The following CCNB1 variants were observed in gnomAD, a reference collection of about 807,000 sequenced individuals.
The protein encoded by CCNB1 is cyclin B1, also known as G2/mitotic-specific cyclin-B1.
A neutral mutation model predicts 44.4 loss-of-function variants in CCNB1; 26 were observed. That is an observed-to-expected ratio of 0.59 (90% CI 0.43 to 0.81). CCNB1 has a LOEUF of 0.81. CCNB1 is among the 40% of genes least tolerant of loss of function. CCNB1 has a pLI of 0.00. For missense variants in CCNB1, 477 were observed against 520.9 expected, an observed-to-expected ratio of 0.92 and a Z score of 0.82; for synonymous variants, 195 against 181.4, an observed-to-expected ratio of 1.08 and a Z score of -0.60.
chr5:69,168,121 C>G, intron 2 of CCNB1, 43 bp downstream of exon 2: 1 of 1,610,666 alleles, frequency 6.2e-7, no homozygotes, highest in Non-Finnish European at 8.5e-7. Flanking sequence ...GCCCGCCTTC[C>G]AACTGTGGCC....
intron 7 of CCNB1, 66 bp downstream of exon 7, chr5:69,175,603 T>C: frequency 1.3e-6 from 2 of 1,502,500 alleles, no homozygotes; most frequent in Non-Finnish European, 1.8e-6. Context: ...ACAGAACTTT[T>C]GTTATTAAAA....
Position 69,175,357 on chromosome 5 carries a change from ATTTTCTGAAAGAAACTCAGTAACATGGG to A in CCNB1, c.943-35_943-8del, listed in dbSNP as rs750951915. The stretch of plus-strand genomic sequence containing the variant: ...GCATGCAGGTTAGTGCCAAAGGAAA[ATTTTCTGAAAGAAACTCAGTAACATGGG>A]TTTTGTTTCAGGTTGATGTCGAGCA... On this transcript the variant is annotated splice_polypyrimidine_tract_variant and intron_variant, in intron 6 of 8. Coordinates refer to ENST00000256442, the MANE Select transcript of CCNB1 (RefSeq NM_031966.4). 1 of 1,603,112 alleles carries A rather than the reference ATTTTCTGAAAGAAACTCAGTAACATGGG, an allele frequency of 6.2e-7. No homozygotes were observed. The highest frequency in any genetic ancestry group is 1.1e-5 in the South Asian group (1 of 89,164).
intron 6 of CCNB1, 130 bp downstream of exon 6, chr5:69,175,243 T>C: frequency 9.6e-7 from 1 of 1,039,964 alleles, no homozygotes; most frequent in Non-Finnish European, 1.4e-6. Flanking sequence ...TTGTTCTTTA[T>C]TTCTAGTCAG....
Position 69,175,113 on chromosome 5 carries a change from G to C in CCNB1, c.942G>C (p.Glu314Asp). 1 of 1,607,354 alleles carries C rather than the reference G, an allele frequency of 6.2e-7. No homozygotes were observed. Among genetic ancestry groups the C allele is most frequent in the Non-Finnish European group, 8.5e-7 (1 of 1,174,582 alleles). The change falls in exon 6 of 9, where the codon GAG (glutamate) becomes GAC (aspartate). Residue 314 changes from glutamate to aspartate, a missense_variant and splice_region_variant. Coordinates refer to ENST00000256442, the MANE Select transcript of CCNB1 (RefSeq NM_031966.4). Reference sequence around the variant, plus strand: ...TTCGGAGAGCATCTAAGATTGGAGAGGTACAGGTTTCTTGAGAAACCTCTC... The same window carrying C: ...TTCGGAGAGCATCTAAGATTGGAGACGTACAGGTTTCTTGAGAAACCTCTC... The part of the protein sequence containing the change: ...HFLRRASKIG[E>D]VDVEQHTLAK...
chr5:69,167,352 C>T, intron 1 of CCNB1, 69 bp downstream of exon 1: 6 of 1,558,162 alleles, frequency 3.9e-6, no homozygotes, highest in Middle Eastern at 1.8e-4. Context: ...GCCTCGCCTG[C>T]GGGAGCCTCC....
In CCNB1 at chr5:69,177,473, T is replaced by G. The variant is rs753119788; in HGVS notation, c.1195-51T>G. On this transcript the variant is annotated intron_variant, in intron 8 of 8. Transcript: ENST00000256442. ...AAATGAATACCTGTATCATTGCATC[T>G]TGTGATTTTTTTTCTTTTGCCTCTT... 8 of 1,321,496 alleles carry G rather than the reference T, an allele frequency of 6.1e-6. No individual in the cohort carries two copies. In the East Asian group the frequency reaches 1.6e-4, roughly 27 times the overall value. 81.9% of individuals were successfully genotyped at this position (1,321,496 alleles called of 1,614,324 possible).
chr5:69,168,440 T>TA lies in CCNB1; in HGVS notation c.363+98dup, dbSNP rs1747389186. 6 of 1,405,292 alleles carry TA rather than the reference T, an allele frequency of 4.3e-6. No individual in the cohort carries two copies. The South Asian group carries it at 6.1e-5, about 14-fold the overall frequency. The allele number at this position is 1,405,292 out of a possible 1,614,324, so 87.1% of individuals were successfully genotyped here. On this transcript the variant is annotated intron_variant, in intron 3 of 8. Transcript: ENST00000256442. Reference sequence around the variant, plus strand: ...GCATTCAAATGAATAGTAATATTAATACCATTTATTGAGTGCTTAGCATGA... The same window carrying TA: ...GCATTCAAATGAATAGTAATATTAATAACCATTTATTGAGTGCTTAGCATGA...
chr5:69,172,446 G>T (rs1049440230), intron 4 of CCNB1, among the ~76,000 whole-genome samples: 3 of 152,014 alleles, frequency 2.0e-5, no homozygotes, highest in Non-Finnish European at 4.4e-5. Context: ...TAGTAGAGAT[G>T]AGGTATCACC....
chr5:69,171,644 G>A (rs766846332), intron 4 of CCNB1, among the ~76,000 whole-genome samples, 192 bp downstream of exon 4: 1 of 152,152 alleles, frequency 6.6e-6, no homozygotes, highest in Non-Finnish European at 1.5e-5. Context: ...TTGTCACTTT[G>A]TGCAGGAAAG....
chr5:69,167,529 A>T (rs920077319), intron 1 of CCNB1: 1 of 540,708 alleles, frequency 1.8e-6, no homozygotes, highest in Non-Finnish European at 3.3e-6. Context: ...TGTTTTGGGG[A>T]GGTGGAGAGT....
At position 69,175,038 on chromosome 5, in the gene CCNB1, T is replaced by G. The variant is rs1747551827; in HGVS notation, c.867T>G (p.Ile289Met). 1 of 1,614,082 alleles carries G rather than the reference T, an allele frequency of 6.2e-7. No homozygotes were observed. The highest frequency in any genetic ancestry group is 1.3e-5 in the African/African-American group (1 of 74,928). ...KHQIRQMEMK[I>M]LRALNFGLGR... ...AAATCAGACAGATGGAAATGAAGAT[T>G]CTAAGAGCTTTAAACTTTGGTCTGG... Residue 289 changes from isoleucine (I) to methionine (M), a missense_variant, in exon 6 of 9, where the codon ATT (isoleucine) becomes ATG (methionine). Physicochemically the swap from Ile to Met is conservative, Grantham distance 10. Coordinates refer to ENST00000256442, the MANE Select transcript of CCNB1 (RefSeq NM_031966.4).
At chr5:69,170,100 A>G (rs1028762026) in intron 3 of CCNB1, among the ~76,000 whole-genome samples, 40 of 151,740 alleles carry the variant, frequency 2.6e-4, no homozygotes, top group African/African-American at 9.4e-4. Flanking sequence ...AGTAGCTGGG[A>G]TTACAGGTGC....
chr5:69,176,126 G>A (rs923174817), intron 7 of CCNB1, among the ~76,000 whole-genome samples: 8 of 151,078 alleles, frequency 5.3e-5, no homozygotes, highest in Non-Finnish European at 1.2e-4. Context: ...GGGCTCAAGC[G>A]ATCCACCCAC....
In CCNB1 at chr5:69,177,944, G is replaced by T. The variant is rs1445506730; in HGVS notation, c.*313G>T. ...ATTAATATGAGTTACTGAAGGTGAT[G>T]GAGGTATTTGAAAATTTTACTTCCA... is the stretch of plus-strand genomic sequence containing the variant. On this transcript the variant is annotated 3_prime_UTR_variant, in exon 9 of 9. Transcript: ENST00000256442. The T allele has an allele frequency of 4.9e-6, 1 of 202,606 alleles. No homozygotes were observed. The highest frequency in any genetic ancestry group is 1.0e-5 in the Non-Finnish European group (1 of 99,794). The allele number at this position is 202,606 out of a possible 1,614,324, so 12.6% of individuals were successfully genotyped here.
In CCNB1 at chr5:69,175,546, T is replaced by A; in HGVS notation, c.1083+9T>A. ...TGGATAATGGTGAATGGGTAAGCTG[T>A]GTCCCACAGAACTCCTAAGCTTTTA... is the stretch of plus-strand genomic sequence containing the variant. On this transcript the variant is annotated intron_variant, in intron 7 of 8. Coordinates refer to ENST00000256442, the MANE Select transcript of CCNB1 (RefSeq NM_031966.4). The A allele has an allele frequency of 1.2e-6, 2 of 1,612,196 alleles. No homozygotes were observed. Among genetic ancestry groups the A allele is most frequent in the Non-Finnish European group, 1.7e-6 (2 of 1,179,462 alleles).
chr5:69,172,156 C>T (rs1013970978), intron 4 of CCNB1, among the ~76,000 whole-genome samples: 9 of 152,176 alleles, frequency 5.9e-5, no homozygotes, highest in South Asian at 2.1e-4. Flanking sequence ...CAGCTCACTG[C>T]AGTCTCTGTC....
In CCNB1 at chr5:69,167,194, T is replaced by C; in HGVS notation, c.-69T>C. 1 of 1,420,504 alleles carries C rather than the reference T, an allele frequency of 7.0e-7. No individual in the cohort carries two copies. Among genetic ancestry groups the C allele is most frequent in the Non-Finnish European group, 9.6e-7 (1 of 1,046,034 alleles). 88.0% of individuals were successfully genotyped at this position (1,420,504 alleles called of 1,614,324 possible). On this transcript the variant is annotated 5_prime_UTR_variant, in exon 1 of 9. Transcript: ENST00000256442. ...GCTGTTGGTTTCTGCTGGGTGTAGG[T>C]CCTTGGCTGGTCGGGCCTCCGGTGT...
Position 69,167,929 on chromosome 5 carries a change from A to G in CCNB1, c.43A>G (p.Asn15Asp), listed in dbSNP as rs746606130. Residue 15 changes from asparagine to aspartate, a missense_variant, in exon 2 of 9, where the codon AAT becomes GAT. Asn to Asp is a conservative substitution (Grantham distance 23). Coordinates refer to ENST00000256442, the MANE Select transcript of CCNB1 (RefSeq NM_031966.4). ...VTRNSKINAE[N>D]KAKINMAGAK... ...TCAGAACTCGAAAATTAATGCTGAA[A>G]ATAAGGCGAAGATCAACATGGCAGG... 3.7e-6 allele frequency: 6 copies of G among 1,609,974 alleles called. No homozygotes were observed. In the African/African-American group the frequency reaches 8.0e-5, roughly 22 times the overall value.
At chr5:69,170,635 C>G (rs1490575817) in intron 3 of CCNB1, among the ~76,000 whole-genome samples, 1 of 151,310 alleles carries the variant, frequency 6.6e-6, no homozygotes, top group African/African-American at 2.4e-5. Context: ...CTGACTCACT[C>G]TAAGTTGGCA....
Sources: gnomAD v4.1 joint callset for allele counts (sites outside exome capture counted in the v4.1 genomes callset) on GRCh38, gnomAD v4.1.1 for gene constraint, MANE v1.5 for transcripts, NCBI Gene and HGNC (gene_info 2026-07-23, HGNC 2026-07-21) for gene names.